The following DENND2B variants were observed in gnomAD, a reference collection of about 807,000 sequenced individuals.
The protein encoded by DENND2B is DENN domain-containing protein 2B.
A neutral mutation model predicts 116.0 loss-of-function variants in DENND2B; 32 were observed. The observed-to-expected ratio is 0.28, with a 90% CI of 0.21 to 0.37. The LOEUF (loss-of-function observed/expected upper bound fraction) is 0.37. Ranked by LOEUF, DENND2B falls within the 10% of genes least tolerant of loss-of-function variation. The pLI is 1.00. For synonymous variants in DENND2B, 588 were observed against 583.9 expected (o/e 1.01, Z -0.10); for missense variants, 1,276 against 1,477.7 (o/e 0.86, Z 2.24).
chr11:8,706,297 T>C (rs956348925), intron 13 of DENND2B, among the ~76,000 whole-genome samples: 1 of 152,178 alleles, frequency 6.6e-6, no homozygotes, highest in Non-Finnish European at 1.5e-5. Flanking sequence ...TCAGATCTTA[T>C]CATACCCCTG....
In DENND2B at chr11:8,707,292, AGAAGAGGGCAGCCAAG is replaced by A; in HGVS notation, c.2431-83_2431-68del. On this transcript the variant is annotated intron_variant, in intron 12 of 19. Transcript: ENST00000313726. The surrounding 1 kb of genome is among the most constrained non-coding windows in gnomAD (Gnocchi z 4.8). ...GCACTGCCCTTCCCCCTCCTGGCAG[AGAAGAGGGCAGCCAAG>A]CATCTGACCAGGCTAGCCCAGAAGC... 6.4e-7 allele frequency: 1 copy of A among 1,551,182 alleles called. No individual in the cohort carries two copies. Among genetic ancestry groups the A allele is most frequent in the Non-Finnish European group, 8.7e-7 (1 of 1,146,226 alleles).
At chr11:8,716,203 A>G (rs4061048) in intron 5 of DENND2B, among the ~76,000 whole-genome samples, 23,547 of 152,094 alleles carry the variant, frequency 0.15, 3,046 homozygotes, top group African/African-American at 0.35. Flanking sequence ...AGCCAATCCT[A>G]AAAGGTTTCT....
intron 1 of DENND2B, among the ~76,000 whole-genome samples, chr11:8,883,462 G>A (rs1438563829): frequency 6.6e-6 from 1 of 152,114 alleles, no homozygotes; most frequent in Middle Eastern, 3.2e-3. Flanking sequence ...CTTTAGTTTG[G>A]TTTGATTTTC....
At chr11:8,762,792 A>T (rs2054924481) in intron 1 of DENND2B, among the ~76,000 whole-genome samples, 1 of 152,186 alleles carries the variant, frequency 6.6e-6, no homozygotes, top group Non-Finnish European at 1.5e-5. Context: ...CCCGGGAGGC[A>T]GAGGTTGCGG....
chr11:8,817,003 A>G (rs1394269149), intron 4 of DENND2B, among the ~76,000 whole-genome samples: 1 of 152,172 alleles, frequency 6.6e-6, no homozygotes, highest in Non-Finnish European at 1.5e-5. Flanking sequence ...AATGAACAGT[A>G]GCCTTTTTTA....
At chr11:8,718,030 T>TGCAGACGG in intron 4 of DENND2B, 138 bp from the exon 5 acceptor site, 1 of 908,744 alleles carries the variant, frequency 1.1e-6, no homozygotes, top group Non-Finnish European at 1.6e-6. Context: ...TCATGAGTCA[T>TGCAGACGG]GCAGCTGCCC....
At chr11:8,752,507 G>C (rs1450019941) in intron 1 of DENND2B, among the ~76,000 whole-genome samples, 1 of 151,764 alleles carries the variant, frequency 6.6e-6, no homozygotes, top group Non-Finnish European at 1.5e-5. Flanking sequence ...GAGTGGTGAA[G>C]AGGGTATCTT....
intron 1 of DENND2B, among the ~76,000 whole-genome samples, chr11:8,798,988 C>T (rs34903050): frequency 0.014 from 2,086 of 152,122 alleles, 22 homozygotes; most frequent in Middle Eastern, 0.054. Context: ...CCACCACACC[C>T]GGCTAATTTT....
chr11:8,728,681 C>T (rs1418228647), intron 3 of DENND2B, among the ~76,000 whole-genome samples: 1 of 152,204 alleles, frequency 6.6e-6, no homozygotes, highest in Non-Finnish European at 1.5e-5. Flanking sequence ...AGCCTCCCTT[C>T]TCTCCCCCAT....
upstream of DENND2B, among the ~76,000 whole-genome samples, chr11:8,872,382 A>G (rs771224375): frequency 6.6e-6 from 1 of 151,326 alleles, no homozygotes; most frequent in Non-Finnish European, 1.5e-5. Context: ...GCTACTAGGG[A>G]GCCTTGAGGC....
At chr11:8,778,206 G>A (rs960149133) in intron 1 of DENND2B, among the ~76,000 whole-genome samples, 25 of 152,216 alleles carry the variant, frequency 1.6e-4, no homozygotes, top group African/African-American at 6.0e-4. Flanking sequence ...TAGCTCGAAA[G>A]AGTCTGCCTA....
rs141940286 is a variant in DENND2B, at chr11:8,861,419, T to C, written c.-249-3983A>G. 7.9e-5 allele frequency among the ~76,000 whole-genome samples: 12 copies of C among 152,146 alleles called. No individual in the cohort carries two copies. In the South Asian group the frequency reaches 8.3e-4, roughly 10 times the overall value. On this transcript the variant is annotated intron_variant, in intron 2 of 6. Transcript: ENST00000524757. ...AAGATATACAAATAGCCACGAAATATATGAAAAAAATGCTCAACATAACAA... is the reference window on the plus strand; with the variant it reads ...AAGATATACAAATAGCCACGAAATACATGAAAAAAATGCTCAACATAACAA...
At chr11:8,869,872 T>C (rs551584247) in intron 2 of DENND2B, among the ~76,000 whole-genome samples, 1 of 152,056 alleles carries the variant, frequency 6.6e-6, no homozygotes, top group African/African-American at 2.4e-5. Context: ...TCAGTCTCTA[T>C]CTTGGATTAG....
intron 8 of DENND2B, 48 bp downstream of exon 8, chr11:8,713,950 T>C (rs750710220): frequency 1.3e-6 from 2 of 1,595,688 alleles, no homozygotes; most frequent in South Asian, 2.2e-5. Flanking sequence ...GCTGATTCCC[T>C]GCAGCCCTGC....
At chr11:8,742,629 A>T (rs1004516979) in intron 2 of DENND2B, among the ~76,000 whole-genome samples, 4 of 152,254 alleles carry the variant, frequency 2.6e-5, no homozygotes, top group African/African-American at 7.2e-5. Context: ...AGCTGCCTAC[A>T]GTAAAAAAGA....
chr11:8,742,779 T>C (rs2050443242), intron 2 of DENND2B, among the ~76,000 whole-genome samples: 1 of 152,206 alleles, frequency 6.6e-6, no homozygotes, highest in South Asian at 2.1e-4. Context: ...TTCCAGATTG[T>C]GGTGGCTGGG....
chr11:8,795,532 G>A (rs567114788), intron 1 of DENND2B, among the ~76,000 whole-genome samples: 8 of 152,188 alleles, frequency 5.3e-5, no homozygotes, highest in Admixed American at 2.6e-4. Context: ...ACTGCTCTAC[G>A]GGCTCTAGAA....
chr11:8,765,684 T>C (rs924487400), intron 1 of DENND2B, among the ~76,000 whole-genome samples: 1 of 106,994 alleles, frequency 9.3e-6, no homozygotes, highest in Non-Finnish European at 2.2e-5. Context: ...TTTCAATTTC[T>C]TGTATCATTT....
intron 5 of DENND2B, among the ~76,000 whole-genome samples, chr11:8,716,836 T>C (rs2044926782): frequency 6.6e-6 from 1 of 152,090 alleles, no homozygotes; most frequent in African/African-American, 2.4e-5. Flanking sequence ...TTAGTAGAGA[T>C]GAGGTTTCAC....
Sources: allele counts gnomAD v4.1 joint callset (sites outside exome capture counted in the v4.1 genomes callset), GRCh38; gene constraint gnomAD v4.1.1; non-coding constraint Gnocchi (gnomAD v3.1); transcripts MANE v1.5; gene names NCBI Gene and HGNC (gene_info 2026-07-23, HGNC 2026-07-21).